The following CD163L1 variants were observed in gnomAD, a reference collection of about 807,000 sequenced individuals.
CD163L1 encodes CD163 molecule like 1, also known as scavenger receptor cysteine-rich type 1 protein M160.
CD163L1 carries 124 observed loss-of-function variants against 165.4 expected under a neutral mutation model. The observed-to-expected ratio is 0.75, with a 90% confidence interval of 0.65 to 0.87. The LOEUF is 0.87. CD163L1 is among the 40% of genes least tolerant of loss of function. The probability of loss-of-function intolerance (pLI) is 0.00; values close to 1 mark genes in which losing one functional copy is unlikely to be tolerated. For synonymous variants in CD163L1, 585 were observed against 662.2 expected, an observed-to-expected ratio of 0.88 and a Z score of 1.79; for missense variants, 1,525 against 1,799.9, an observed-to-expected ratio of 0.85 and a Z score of 2.76.
At chr12:7,323,171 G>A in the CD163L1 span, 1 of 1,421,790 alleles carries the variant, frequency 7.0e-7, no homozygotes, top group East Asian at 2.5e-5. Context: ...AATTTTCATT[G>A]CCATGATATA....
At chr12:7,422,473 G>C (rs1458870131) in intron 4 of CD163L1, among the ~76,000 whole-genome samples, 2 of 151,842 alleles carry the variant, frequency 1.3e-5, no homozygotes, top group Non-Finnish European at 2.9e-5. Flanking sequence ...TTCAGAAGGT[G>C]GGTAATAAGA....
At position 7,368,209 on chromosome 12, in the gene CD163L1, T is replaced by G; in HGVS notation, c.4073-12A>C. Reference sequence around the variant, plus strand: ...AAGTGCTAAATGACCTGTATAGAAATTAAGCATTGATAAGTATTAAACTAG... The same window carrying G: ...AAGTGCTAAATGACCTGTATAGAAAGTAAGCATTGATAAGTATTAAACTAG... On this transcript the variant is annotated splice_polypyrimidine_tract_variant and intron_variant, in intron 16 of 19. Transcript: ENST00000313599. This position sits in a 1 kb window ranked among gnomAD's most constrained non-coding sequence, Gnocchi z 4.3. The G allele has an allele frequency of 6.9e-7, 1 of 1,444,302 alleles. No homozygotes were observed. 89.5% of individuals were successfully genotyped at this position (1,444,302 alleles called of 1,614,324 possible). A position where few individuals can be genotyped will look rare whatever the true frequency, so the allele number is the denominator to read the frequency against.
chr12:7,354,796 G>T (rs1038799810), downstream of CD163L1, among the ~76,000 whole-genome samples: 1 of 152,092 alleles, frequency 6.6e-6, no homozygotes, highest in Non-Finnish European at 1.5e-5. Context: ...AGCCTCTGAG[G>T]TTCCATTATT....
At chr12:7,429,703 C>T (rs939496428) in intron 4 of CD163L1, among the ~76,000 whole-genome samples, 36 of 152,132 alleles carry the variant, frequency 2.4e-4, no homozygotes, top group East Asian at 3.9e-4. Flanking sequence ...ACTATTTTAG[C>T]CCTAGTCAAA....
At chr12:7,390,535 G>A (rs1947631405) in intron 8 of CD163L1, among the ~76,000 whole-genome samples, 1 of 152,182 alleles carries the variant, frequency 6.6e-6, no homozygotes, top group African/African-American at 2.4e-5. Flanking sequence ...TGCATTGGAA[G>A]AACAAGCTTC....
At chr12:7,409,405 G>A (rs1186524898) in intron 4 of CD163L1, among the ~76,000 whole-genome samples, 1 of 152,058 alleles carries the variant, frequency 6.6e-6, no homozygotes, top group Non-Finnish European at 1.5e-5. Context: ...CGGGGGTCGG[G>A]GGGAATGGAG....
chr12:7,422,956 A>G (rs1948467336), intron 4 of CD163L1, among the ~76,000 whole-genome samples: 1 of 151,952 alleles, frequency 6.6e-6, no homozygotes, highest in African/African-American at 2.4e-5. Flanking sequence ...CAAGAGTTCA[A>G]CTCAGCTCTG....
intron 8 of CD163L1, among the ~76,000 whole-genome samples, chr12:7,395,238 T>A (rs944161588): frequency 3.3e-5 from 5 of 152,166 alleles, no homozygotes; most frequent in African/African-American, 4.8e-5. Context: ...ATGTGGCACA[T>A]ATACACCATG....
rs1947104371 is a variant in CD163L1, at chr12:7,369,605, G to C, written c.3791C>G (p.Ala1264Gly). The change falls in exon 15 of 20, where the codon GCA becomes GGA. Residue 1264 changes from alanine to glycine, a missense_variant. Physicochemically the swap from Ala to Gly is moderately conservative, Grantham distance 60. Transcript: ENST00000313599. This position sits in a 1 kb window ranked among gnomAD's most constrained non-coding sequence, Gnocchi z 4.9. ...ATCACACACTGTGCCCCAGGAGCCT[G>C]CGTGCCAGATCTCCACTCTCCCAGA... is the stretch of plus-strand genomic sequence containing the variant. ...ECSGRVEIWH[A>G]GSWGTVCDDS... 6.2e-7 allele frequency: 1 copy of C among 1,613,784 alleles called. No homozygotes were observed. Among genetic ancestry groups the C allele is most frequent in the Non-Finnish European group, 8.5e-7 (1 of 1,179,960 alleles).
chr12:7,365,985 A>G (rs1347959534), intron 18 of CD163L1, among the ~76,000 whole-genome samples: 1 of 152,180 alleles, frequency 6.6e-6, no homozygotes, highest in African/African-American at 2.4e-5. Flanking sequence ...TATTTATAAT[A>G]GCCAAAATAT....
intron 5 of CD163L1, among the ~76,000 whole-genome samples, chr12:7,406,267 T>G (rs1435757006): frequency 1.3e-5 from 2 of 152,176 alleles, no homozygotes; most frequent in Admixed American, 1.3e-4. Flanking sequence ...GACATTTTGT[T>G]GCACCAATTA....
chr12:7,320,750 C>T, the CD163L1 span: 1 of 1,613,732 alleles, frequency 6.2e-7, no homozygotes, highest in African/African-American at 1.3e-5. Context: ...CCCATCACGA[C>T]CCTGTGCAGT....
intron 8 of CD163L1, among the ~76,000 whole-genome samples, chr12:7,382,091 G>GAT (rs768602735): frequency 1.7e-3 from 253 of 148,198 alleles, no homozygotes; most frequent in Admixed American, 4.2e-3. Context: ...CACACATAGA[G>GAT]ATATATATAT....
At chr12:7,326,245 C>G in the CD163L1 span, among the ~76,000 whole-genome samples, 4 of 152,096 alleles carry the variant, frequency 2.6e-5, no homozygotes, top group African/African-American at 9.7e-5. Flanking sequence ...CTCTGTCACC[C>G]AGGGTGGAGT....
downstream of CD163L1, among the ~76,000 whole-genome samples, chr12:7,353,427 T>C (rs777197189): frequency 2.0e-5 from 3 of 150,334 alleles, no homozygotes; most frequent in South Asian, 6.5e-4. Context: ...AATAATCCAA[T>C]GAAACTTAAG....
At chr12:7,430,834 G>A (rs781289004) in intron 4 of CD163L1, among the ~76,000 whole-genome samples, 1 of 151,948 alleles carries the variant, frequency 6.6e-6, no homozygotes, top group Non-Finnish European at 1.5e-5. Context: ...ATGTTCTGAG[G>A]TGGGTTGGAA....
chr12:7,343,919 C>T (rs1946652842), downstream of CD163L1, among the ~76,000 whole-genome samples: 1 of 152,164 alleles, frequency 6.6e-6, no homozygotes, highest in Admixed American at 6.5e-5. Context: ...GTTACTTCTA[C>T]ATATGAACCT....
chr12:7,380,300 T>TACAC lies in CD163L1; in HGVS notation c.2051-1003_2051-1002insGTGT, dbSNP rs1358100943. ...GTGTGTGTGTGTGTGTGTGTGTGTG[T>TACAC]GTATACACATATACATACATATATG... On this transcript the variant is annotated intron_variant, in intron 8 of 19. Transcript: ENST00000313599. 2.1e-5 allele frequency among the ~76,000 whole-genome samples: 3 copies of TACAC among 141,050 alleles called. No individual in the cohort carries two copies. In the East Asian group the frequency reaches 6.6e-4, roughly 31 times the overall value. 92.5% of individuals were successfully genotyped at this position (141,050 alleles called of 152,430 possible). A position where few individuals can be genotyped will look rare whatever the true frequency, so the allele number is the denominator to read the frequency against.
rs1232474457 is a variant in CD163L1 at position 7,357,421 on chromosome 12, A to G, written c.4345T>C (p.Ser1449Pro). ...GTCTAAAGTCATTTTGTGGCTTCAG[A>G]GGCAGGAAGAACTCCCAACAGCGAT... Reference protein sequence around the residue: ...DTSLLGVLPASEATK With the variant: ...DTSLLGVLPAPEATK Residue 1449 changes from serine to proline, a missense_variant, in exon 19 of 20, where the codon TCT becomes CCT. Ser to Pro is a moderately conservative substitution (Grantham distance 74). Coordinates refer to ENST00000313599, the MANE Select transcript of CD163L1 (RefSeq NM_174941.6). 6.2e-7 allele frequency: 1 copy of G among 1,612,692 alleles called. No individual in the cohort carries two copies. Among genetic ancestry groups the G allele is most frequent in the Admixed American group, 1.7e-5 (1 of 59,862 alleles).
Sources: gnomAD v4.1 joint callset for allele counts (sites outside exome capture counted in the v4.1 genomes callset) on GRCh38, gnomAD v4.1.1 for gene constraint, Gnocchi (gnomAD v3.1) non-coding constraint, MANE v1.5 for transcripts, NCBI Gene and HGNC (gene_info 2026-07-23, HGNC 2026-07-21) for gene names.